BNIP3L: variants seen among roughly 807,000 people sequenced by gnomAD.
BNIP3L encodes the protein BCL2/adenovirus E1B 19 kDa protein-interacting protein 3-like.
In BNIP3L, 10 loss-of-function variants were observed where a neutral mutation model predicts 25.5. The ratio of observed to expected loss-of-function variants is 0.39; its 90% CI spans 0.24 to 0.67. The LOEUF (loss-of-function observed/expected upper bound fraction) is 0.67. Among genes scored for constraint, BNIP3L ranks in the 30% least tolerant of loss-of-function variants. The pLI is 0.45. For synonymous variants in BNIP3L, 113 were observed against 101.2 expected (o/e 1.12, Z -0.70); for missense variants, 215 against 270.9 (o/e 0.79, Z 1.45).
Position 26,383,057 on chromosome 8 carries a change from C to T in BNIP3L, c.-74C>T. ...CAGGCGCAGAAAAGGGGGCGGCGGA[C>T]TCGGCTTGTTGTGTTGCTGCCTGAG... On this transcript the variant is annotated 5_prime_UTR_variant, in exon 1 of 6. Coordinates refer to ENST00000380629, the MANE Select transcript of BNIP3L (RefSeq NM_004331.3). 2 of 1,408,864 alleles carry T rather than the reference C, an allele frequency of 1.4e-6. No homozygotes were observed. The highest frequency in any genetic ancestry group is 1.2e-5 in the South Asian group (1 of 80,730). 87.3% of individuals were successfully genotyped at this position (1,408,864 alleles called of 1,614,324 possible).
In BNIP3L at chr8:26,411,334, T is replaced by C. The variant is rs943920581; in HGVS notation, c.*922T>C. ...TTTTCTCTAAGAAGAGGCTTTGGAA[T>C]GAGTTCCAATTTGTGATGTTAATAC... On this transcript the variant is annotated 3_prime_UTR_variant, in exon 6 of 6. Transcript: ENST00000380629. 4.6e-5 allele frequency: 7 copies of C among 152,482 alleles called. No individual in the cohort carries two copies. The highest frequency in any genetic ancestry group is 1.7e-4 in the African/African-American group (7 of 41,462). 9.4% of individuals were successfully genotyped at this position (152,482 alleles called of 1,614,324 possible).
At chr8:26,395,417 G>A in intron 3 of BNIP3L, 115 bp downstream of exon 3, 1 of 1,145,562 alleles carries the variant, frequency 8.7e-7, no homozygotes, top group Non-Finnish European at 1.2e-6. Context: ...AGCTATTATT[G>A]AGTTTCTGAT....
chr8:26,412,239 C>T lies in BNIP3L; in HGVS notation c.*1827C>T, dbSNP rs1806645413. 6.6e-6 allele frequency: 1 copy of T among 152,082 alleles called. No homozygotes were observed. Among genetic ancestry groups the T allele is most frequent in the African/African-American group, 2.4e-5 (1 of 41,414 alleles). 9.4% of individuals were successfully genotyped at this position (152,082 alleles called of 1,614,324 possible). A position where few individuals can be genotyped will look rare whatever the true frequency, so the allele number is the denominator to read the frequency against. On this transcript the variant is annotated 3_prime_UTR_variant, in exon 6 of 6. Transcript: ENST00000380629. The stretch of plus-strand genomic sequence containing the variant: ...ATTTCAAGTGTTCATATTTGAATTT[C>T]TTTGGGAAGAAAGTAAATCTGATGG...
intron 2 of BNIP3L, among the ~76,000 whole-genome samples, chr8:26,392,415 A>G (rs1350226640): frequency 1.3e-5 from 2 of 152,224 alleles, no homozygotes; most frequent in Non-Finnish European, 1.5e-5. Flanking sequence ...TTTTGTAAAA[A>G]TTGTGTATAT....
At chr8:26,399,987 G>C (rs1286113706) in intron 3 of BNIP3L, among the ~76,000 whole-genome samples, 5 of 151,120 alleles carry the variant, frequency 3.3e-5, no homozygotes, top group Non-Finnish European at 7.4e-5. Flanking sequence ...TGGCCATACT[G>C]CCCAAGATAA....
intron 3 of BNIP3L, among the ~76,000 whole-genome samples, chr8:26,404,891 A>G (rs189488752): frequency 6.6e-6 from 1 of 152,354 alleles, no homozygotes; most frequent in East Asian, 1.9e-4. Flanking sequence ...GATTAAGTAC[A>G]TTTTTACCAT....
chr8:26,399,692 C>G (rs1305369636), intron 3 of BNIP3L, among the ~76,000 whole-genome samples: 1 of 67,332 alleles, frequency 1.5e-5, no homozygotes, highest in African/African-American at 5.9e-5. Flanking sequence ...CCAAAATCTC[C>G]TTAAGCTGAT....
chr8:26,394,033 C>A (rs1029653609), intron 2 of BNIP3L, among the ~76,000 whole-genome samples: 1 of 152,098 alleles, frequency 6.6e-6, no homozygotes, highest in African/African-American at 2.4e-5. Flanking sequence ...TAGTTAATAT[C>A]TATTCTTTTC....
chr8:26,384,863 A>AT (rs1805955470), intron 1 of BNIP3L, among the ~76,000 whole-genome samples: 1 of 150,800 alleles, frequency 6.6e-6, no homozygotes, highest in African/African-American at 2.4e-5. Flanking sequence ...CGCCCAGCTA[A>AT]TTTTTGTATT....
intron 5 of BNIP3L, 47 bp downstream of exon 5, chr8:26,408,423 C>A (rs771507540): frequency 6.5e-7 from 1 of 1,550,358 alleles, no homozygotes; most frequent in Admixed American, 2.0e-5. Flanking sequence ...ATTTTATCCT[C>A]TTATTTTCAG....
At position 26,410,452 on chromosome 8, in the gene BNIP3L, A is replaced by G; in HGVS notation, c.*40A>G. ...CCCTGGAAATGCGTGTGACCTGTGA[A>G]GTGGTGTATTGTCACAGTAGCTTAT... is the stretch of plus-strand genomic sequence containing the variant. On this transcript the variant is annotated 3_prime_UTR_variant, in exon 6 of 6. Transcript: ENST00000380629. 6.2e-7 allele frequency: 1 copy of G among 1,610,200 alleles called. No homozygotes were observed. Among genetic ancestry groups the G allele is most frequent in the Non-Finnish European group, 8.5e-7 (1 of 1,176,420 alleles).
At chr8:26,394,688 A>G (rs1003551430) in intron 2 of BNIP3L, among the ~76,000 whole-genome samples, 1 of 152,256 alleles carries the variant, frequency 6.6e-6, no homozygotes, top group African/African-American at 2.4e-5. Flanking sequence ...GCTATCACAC[A>G]TCATGTAGCC....
chr8:26,393,887 A>G (rs550595991), intron 2 of BNIP3L, among the ~76,000 whole-genome samples: 3 of 152,254 alleles, frequency 2.0e-5, no homozygotes, highest in African/African-American at 7.2e-5. Context: ...AAAATCTCCT[A>G]TGTCAATTAT....
chr8:26,410,535 A>G lies in BNIP3L; in HGVS notation c.*123A>G. The G allele has an allele frequency of 7.5e-6, 8 of 1,062,930 alleles. No individual in the cohort carries two copies. Among genetic ancestry groups the G allele is most frequent in the Non-Finnish European group, 1.1e-5 (8 of 697,828 alleles). The allele number at this position is 1,062,930 out of a possible 1,614,324, so 65.8% of individuals were successfully genotyped here. ...CCTACCACCCTGTTTTTACATATCC[A>G]ATTCCAGTAACTCTCAAATTCAATA... On this transcript the variant is annotated 3_prime_UTR_variant, in exon 6 of 6. Transcript: ENST00000380629.
At chr8:26,390,052 A>C (rs959852586) in intron 1 of BNIP3L, among the ~76,000 whole-genome samples, 1 of 152,226 alleles carries the variant, frequency 6.6e-6, no homozygotes, top group Non-Finnish European at 1.5e-5. Flanking sequence ...TGAACAAAAT[A>C]TACCACTATC....
chr8:26,401,525 C>G (rs567933653), intron 3 of BNIP3L, among the ~76,000 whole-genome samples: 4 of 146,992 alleles, frequency 2.7e-5, no homozygotes, highest in African/African-American at 1.0e-4. Flanking sequence ...ATGTAACTAA[C>G]CTGCACAATG....
intron 1 of BNIP3L, among the ~76,000 whole-genome samples, chr8:26,385,459 C>T (rs751611854): frequency 2.0e-5 from 3 of 151,920 alleles, no homozygotes; most frequent in Non-Finnish European, 4.4e-5. Flanking sequence ...AAAAATTAGC[C>T]TGGCTTGGTG....
At chr8:26,395,638 G>A in intron 3 of BNIP3L, 1 of 235,334 alleles carries the variant, frequency 4.2e-6, no homozygotes, top group Non-Finnish European at 8.4e-6. Flanking sequence ...GGCTGAATAG[G>A]AACAGCTCCG....
At chr8:26,388,613 G>C (rs374434993) in intron 1 of BNIP3L, among the ~76,000 whole-genome samples, 1 of 152,220 alleles carries the variant, frequency 6.6e-6, no homozygotes, top group East Asian at 1.9e-4. Flanking sequence ...ATTGGATTAT[G>C]ATTGCTTATG....
Sources: allele counts gnomAD v4.1 joint callset (sites outside exome capture counted in the v4.1 genomes callset), GRCh38; gene constraint gnomAD v4.1.1; transcripts MANE v1.5; gene names NCBI Gene and HGNC (gene_info 2026-07-23, HGNC 2026-07-21).